ECI1: variants seen among roughly 807,000 people sequenced by gnomAD.
ECI1 encodes the protein enoyl-CoA delta isomerase 1, also known as enoyl-CoA delta isomerase 1, mitochondrial.
In ECI1, 34 loss-of-function variants were observed where a neutral mutation model predicts 34.2. That is an observed-to-expected ratio of 1.00 (90% CI 0.76 to 1.33). The LOEUF is 1.33. ECI1 is among the 40% of genes most tolerant of loss of function. The pLI, the probability that ECI1 is intolerant of heterozygous loss-of-function variation, is 0.00. For synonymous variants in ECI1, 211 were observed against 193.0 expected (o/e 1.09, Z -0.77); for missense variants, 456 against 422.2 (o/e 1.08, Z -0.70).
At chr16:2,249,855 C>G (rs866128064) in intron 2 of ECI1, among the ~76,000 whole-genome samples, 4 of 111,358 alleles carry the variant, frequency 3.6e-5, no homozygotes, top group Admixed American at 1.3e-4. Flanking sequence ...TCCAGCCTGG[C>G]GACAGAGCAA....
chr16:2,242,968 G>T, intron 6 of ECI1, 78 bp downstream of exon 6: 1 of 1,149,142 alleles, frequency 8.7e-7, no homozygotes, highest in Non-Finnish European at 1.3e-6. Flanking sequence ...AAGTCACGAT[G>T]TCCACAGAAA....
In ECI1 at chr16:2,243,427, C is replaced by CG; in HGVS notation, c.453dup (p.Ala152ArgfsTer11). The CG allele has an allele frequency of 6.2e-7, 1 of 1,613,078 alleles. No individual in the cohort carries two copies. Among genetic ancestry groups the CG allele is most frequent in the African/African-American group, 1.3e-5 (1 of 75,064 alleles). The stretch of plus-strand genomic sequence containing the variant: ...GTCAGGGCCACCAGGCAGCCTCCAG[C>CG]GGGGCAGGCTCCCTGCAGGGAGAGG... On this transcript the variant is annotated frameshift_variant, in exon 5 of 7. Coordinates refer to ENST00000301729, the MANE Select transcript of ECI1 (RefSeq NM_001919.4). LOFTEE classifies it high-confidence loss of function.
Position 2,243,308 on chromosome 16 carries a change from A to G in ECI1, c.563+10T>C, listed in dbSNP as rs1450847193. The stretch of plus-strand genomic sequence containing the variant: ...CAAGCATGGAGCGTGGCTGCAGCCC[A>G]GGGCCTTACCAGAAAGGGGCGATGA... On this transcript the variant is annotated intron_variant, in intron 5 of 6. Coordinates refer to ENST00000301729, the MANE Select transcript of ECI1 (RefSeq NM_001919.4). 1 of 1,613,552 alleles carries G rather than the reference A, an allele frequency of 6.2e-7. No homozygotes were observed. Among genetic ancestry groups the G allele is most frequent in the Non-Finnish European group, 8.5e-7 (1 of 1,180,010 alleles).
Position 2,251,571 on chromosome 16 carries a change from A to G in ECI1, c.-5T>C. The stretch of plus-strand genomic sequence containing the variant: ...CACAGAAGCCACCAGCGCCATCTTG[A>G]CCGCAACGCGCGGGATAAAGGTCGC... On this transcript the variant is annotated 5_prime_UTR_variant, in exon 1 of 7. Transcript: ENST00000301729. 1.9e-6 allele frequency: 3 copies of G among 1,554,448 alleles called. No homozygotes were observed. The highest frequency in any genetic ancestry group is 1.7e-6 in the Non-Finnish European group (2 of 1,149,806).
chr16:2,247,705 TA>T (rs1596787952), intron 2 of ECI1, among the ~76,000 whole-genome samples: 2 of 151,888 alleles, frequency 1.3e-5, no homozygotes, highest in Admixed American at 6.6e-5. Context: ...GCCTGGGGGT[TA>T]TTTTTTTATT....
intron 3 of ECI1, among the ~76,000 whole-genome samples, chr16:2,246,438 T>G (rs2093540418): frequency 6.6e-6 from 1 of 152,112 alleles, no homozygotes; most frequent in Non-Finnish European, 1.5e-5. Context: ...TGGCTCTCCC[T>G]CACTCGCTGC....
At chr16:2,242,950 G>A (rs995167368) in intron 6 of ECI1, 96 bp downstream of exon 6, 1 of 956,676 alleles carries the variant, frequency 1.0e-6, no homozygotes, top group Admixed American at 1.9e-5. Flanking sequence ...ATTATCAACA[G>A]TCTCCCGAAG....
intron 3 of ECI1, among the ~76,000 whole-genome samples, chr16:2,245,487 G>A (rs375408454): frequency 1.8e-4 from 28 of 152,248 alleles, no homozygotes; most frequent in Middle Eastern, 3.2e-3. Context: ...ACGCAGCTCC[G>A]CTGTTCCCAA....
At chr16:2,246,253 C>A (rs2093540046) in intron 3 of ECI1, among the ~76,000 whole-genome samples, 1 of 152,246 alleles carries the variant, frequency 6.6e-6, no homozygotes, top group Admixed American at 6.5e-5. Flanking sequence ...CACAAGAACT[C>A]AGACCAAAGA....
At chr16:2,242,862 G>C (rs565678619) in intron 6 of ECI1, 184 bp downstream of exon 6, 1 of 628,864 alleles carries the variant, frequency 1.6e-6, no homozygotes, top group South Asian at 1.8e-5. Flanking sequence ...CCAGCACCGT[G>C]AGATGAGCTT....
In ECI1 at chr16:2,240,064, T is replaced by C; in HGVS notation, c.824A>G (p.Gln275Arg). 1 of 1,614,030 alleles carries C rather than the reference T, an allele frequency of 6.2e-7. No individual in the cohort carries two copies. Among genetic ancestry groups the C allele is most frequent in the Non-Finnish European group, 8.5e-7 (1 of 1,180,044 alleles). Residue 275 changes from glutamine (Q) to arginine (R), a missense_variant, in exon 7 of 7, where the codon CAG (glutamine) becomes CGG (arginine). Gln to Arg is a conservative substitution (Grantham distance 43). Coordinates refer to ENST00000301729, the MANE Select transcript of ECI1 (RefSeq NM_001919.4). ...RLVTQRDADV[Q>R]NFVSFISKDS... ...TTTGGAGATGAAGCTGACGAAGTTCTGCACGTCCGCATCGCGCTGCGTGAC... is the reference window on the plus strand; with the variant it reads ...TTTGGAGATGAAGCTGACGAAGTTCCGCACGTCCGCATCGCGCTGCGTGAC...
chr16:2,251,304 C>T lies in ECI1; in HGVS notation c.166+12G>A, dbSNP rs1418056391. The T allele has an allele frequency of 1.7e-6, 2 of 1,182,148 alleles. No individual in the cohort carries two copies. Among genetic ancestry groups the T allele is most frequent in the Non-Finnish European group, 2.1e-6 (2 of 950,356 alleles). The allele number at this position is 1,182,148 out of a possible 1,614,324, so 73.2% of individuals were successfully genotyped here. Reference sequence around the variant, plus strand: ...ACCCCACGCCCGCCCTCCCTCGGCGCCGCCCGCTCACCTGCGCCCGCGTCC... The same window carrying T: ...ACCCCACGCCCGCCCTCCCTCGGCGTCGCCCGCTCACCTGCGCCCGCGTCC... On this transcript the variant is annotated intron_variant, in intron 2 of 6. Coordinates refer to ENST00000301729, the MANE Select transcript of ECI1 (RefSeq NM_001919.4).
intron 6 of ECI1, 70 bp downstream of exon 6, chr16:2,242,976 A>G (rs2093531185): frequency 4.0e-6 from 5 of 1,262,388 alleles, no homozygotes; most frequent in Non-Finnish European, 5.7e-6. Context: ...ATGTCCACAG[A>G]AAACCTTTGG....
intron 2 of ECI1, among the ~76,000 whole-genome samples, chr16:2,247,782 C>T (rs1195448379): frequency 6.6e-6 from 1 of 152,226 alleles, no homozygotes; most frequent in Non-Finnish European, 1.5e-5. Context: ...TCTCTGGTTA[C>T]TGCAGCTTTG....
At chr16:2,243,664 C>T (rs925141688) in intron 4 of ECI1, among the ~76,000 whole-genome samples, 4 of 152,176 alleles carry the variant, frequency 2.6e-5, no homozygotes, top group African/African-American at 9.7e-5. Flanking sequence ...CGTCCTCAGC[C>T]GAGGGTCATT....
At position 2,244,282 on chromosome 16, in the gene ECI1, C is replaced by T. The variant is rs905296435; in HGVS notation, c.441+124G>A. On this transcript the variant is annotated intron_variant, in intron 4 of 6. Transcript: ENST00000301729. ...TGCGATGGCGCTCACCTGTGCACAT[C>T]TCAGGGCCTCTCCAACCGTCCCCTT... 5 of 1,217,228 alleles carry T rather than the reference C, an allele frequency of 4.1e-6. No homozygotes were observed. In the African/African-American group the frequency reaches 7.5e-5, roughly 18 times the overall value. 75.4% of individuals were successfully genotyped at this position (1,217,228 alleles called of 1,614,324 possible). A position where few individuals can be genotyped will look rare whatever the true frequency, so the allele number is the denominator to read the frequency against.
chr16:2,240,346 G>T, intron 6 of ECI1: 1 of 546,622 alleles, frequency 1.8e-6, no homozygotes, highest in Non-Finnish European at 3.3e-6. Flanking sequence ...TGAGTAGCTG[G>T]GATTACAACC....
At position 2,244,514 on chromosome 16, in the gene ECI1, C is replaced by G. The variant is rs373950696; in HGVS notation, c.333G>C (p.Thr111=). 5.6e-6 allele frequency: 9 copies of G among 1,602,290 alleles called. No homozygotes were observed. In the Admixed American group the frequency reaches 1.5e-4, roughly 27 times the overall value. ...PGVFSAGLDL[T]EMCGRSPAHY... ...GGGCGGGGCTCCTCCCACACATCTC[C>G]GTCAGGTCCAGGCCGGCCGAGAAGA... Residue 111 remains threonine (T), a synonymous_variant, in exon 4 of 7, where the codon ACG becomes ACC. Transcript: ENST00000301729.
At chr16:2,244,235 T>C (rs955400356) in intron 4 of ECI1, 171 bp downstream of exon 4, 2 of 806,562 alleles carry the variant, frequency 2.5e-6, no homozygotes, top group Middle Eastern at 3.5e-4. Flanking sequence ...GAGGCCCACC[T>C]TTCTCAACAC....
Sources: gnomAD v4.1 joint callset for allele counts (sites outside exome capture counted in the v4.1 genomes callset) on GRCh38, gnomAD v4.1.1 for gene constraint, MANE v1.5 for transcripts, NCBI Gene and HGNC (gene_info 2026-07-23, HGNC 2026-07-21) for gene names.